Variants in HS6ST3 observed in about 807,000 individuals in gnomAD.
The protein encoded by HS6ST3 is heparan sulfate 6-O-sulfotransferase 3, also known as heparan-sulfate 6-O-sulfotransferase 3.
HS6ST3 carries 12 observed loss-of-function variants against 36.7 expected under a neutral mutation model. That is an observed-to-expected ratio of 0.33 (90% CI 0.21 to 0.53). The LOEUF is 0.53. Among genes scored for constraint, HS6ST3 ranks in the 20% least tolerant of loss-of-function variants. The pLI, the probability that HS6ST3 is intolerant of heterozygous loss-of-function variation, is 0.95. For missense variants in HS6ST3, 584 were observed against 640.9 expected (o/e 0.91, Z 0.96); for synonymous variants, 240 against 257.5 (o/e 0.93, Z 0.65).
At chr13:96,758,008 T>C (rs899194915) in intron 1 of HS6ST3, among the ~76,000 whole-genome samples, 2 of 152,086 alleles carry the variant, frequency 1.3e-5, no homozygotes, top group Non-Finnish European at 2.9e-5. Flanking sequence ...TTTCTAAACA[T>C]ATAAATTGGC....
At chr13:96,317,005 A>G (rs867116316) in intron 1 of HS6ST3, among the ~76,000 whole-genome samples, 3 of 152,070 alleles carry the variant, frequency 2.0e-5, no homozygotes, top group Non-Finnish European at 2.9e-5. Flanking sequence ...TAAAATGTCA[A>G]CTTTTATTTT....
chr13:96,093,336 A>C (rs1032375732), intron 1 of HS6ST3, among the ~76,000 whole-genome samples: 2 of 152,198 alleles, frequency 1.3e-5, no homozygotes, highest in African/African-American at 4.8e-5. Context: ...TTAGTGATGA[A>C]TAATGTTACT....
chr13:96,559,071 AATCT>A (rs3051060), intron 1 of HS6ST3, among the ~76,000 whole-genome samples: 23,050 of 147,320 alleles, frequency 0.16, 1,803 homozygotes, highest in Admixed American at 0.18. Flanking sequence ...GAATCTATAT[AATCT>A]ATCTATCTAT....
intron 1 of HS6ST3, among the ~76,000 whole-genome samples, chr13:96,668,159 C>G (rs2056670358): frequency 6.6e-6 from 1 of 152,026 alleles, no homozygotes; most frequent in African/African-American, 2.4e-5. Flanking sequence ...CTCTCTCTCT[C>G]TCACACACGC....
At chr13:96,207,858 CAAG>C (rs1219839488) in intron 1 of HS6ST3, among the ~76,000 whole-genome samples, 1 of 152,046 alleles carries the variant, frequency 6.6e-6, no homozygotes, top group African/African-American at 2.4e-5. Flanking sequence ...GGGATAGCAT[CAAG>C]AAGAATAGCT....
intron 1 of HS6ST3, among the ~76,000 whole-genome samples, chr13:96,179,949 C>A (rs1301936390): frequency 6.6e-6 from 1 of 152,142 alleles, no homozygotes; most frequent in Non-Finnish European, 1.5e-5. Context: ...CCTGCCTCAG[C>A]CTACCGAGTA....
chr13:96,649,486 C>T (rs917389495), intron 1 of HS6ST3, among the ~76,000 whole-genome samples: 1 of 152,012 alleles, frequency 6.6e-6, no homozygotes, highest in Non-Finnish European at 1.5e-5. Flanking sequence ...ACCATATCAC[C>T]ATCTCTCTAG....
intron 1 of HS6ST3, among the ~76,000 whole-genome samples, chr13:96,325,128 T>A (rs947897001): frequency 1.3e-5 from 2 of 152,194 alleles, no homozygotes; most frequent in African/African-American, 4.8e-5. Flanking sequence ...GAAATATTTT[T>A]TCCACTTTTT....
Position 96,799,964 on chromosome 13 carries a change from GTGTATATATATATATA to G in HS6ST3, c.708-32478_708-32463del, listed in dbSNP as rs1238523444. ...TGTGTGTATATATATATATATATAT[GTGTATATATATATATA>G]TGTATATATATATATATGTATATAT... On this transcript the variant is annotated intron_variant, in intron 1 of 1. Transcript: ENST00000376705. Among the ~76,000 whole-genome samples the G allele has an allele frequency of 1.8e-3, 98 of 55,306 alleles. 2 individuals carry two copies. Among genetic ancestry groups the G allele is most frequent in the African/African-American group, 3.8e-3 (26 of 6,838 alleles). The allele number at this position is 55,306 out of a possible 152,430, so 36.3% of individuals were successfully genotyped here. A position where few individuals can be genotyped will look rare whatever the true frequency, so the allele number is the denominator to read the frequency against.
rs545443927 is a variant in HS6ST3, at chr13:96,592,574, C to T, written c.708-239916C>T. Reference sequence around the variant, plus strand: ...TCCTTTACTTTAAGACTAAAATACTCCCTTTAGCATTTCTTGTAGTACAAG... The same window carrying T: ...TCCTTTACTTTAAGACTAAAATACTTCCTTTAGCATTTCTTGTAGTACAAG... On this transcript the variant is annotated intron_variant, in intron 1 of 1. Coordinates refer to ENST00000376705, the MANE Select transcript of HS6ST3 (RefSeq NM_153456.4). Among the ~76,000 whole-genome samples the T allele has an allele frequency of 2.8e-3, 429 of 152,250 alleles. 1 individual carries two copies. The highest frequency in any genetic ancestry group is 9.1e-3 in the African/African-American group (377 of 41,556).
intron 1 of HS6ST3, among the ~76,000 whole-genome samples, chr13:96,444,082 G>A (rs2055686717): frequency 6.6e-6 from 1 of 152,170 alleles, no homozygotes; most frequent in Non-Finnish European, 1.5e-5. Flanking sequence ...GCTGAGAGAT[G>A]GCAGGGATGA....
chr13:96,706,440 T>TATATATATATATATATATATATAA (rs1491180585), intron 1 of HS6ST3, among the ~76,000 whole-genome samples: 9 of 137,580 alleles, frequency 6.5e-5, no homozygotes, highest in Non-Finnish European at 1.1e-4. Flanking sequence ...TATATATATA[T>TATATATATATATATATATATATAA]AATCAGGGAA....
intron 1 of HS6ST3, among the ~76,000 whole-genome samples, chr13:96,259,378 A>G (rs552745023): frequency 6.6e-6 from 1 of 152,274 alleles, no homozygotes; most frequent in South Asian, 2.1e-4. Flanking sequence ...GTCATAGGAG[A>G]TGACTGTGGT....
At chr13:96,768,776 G>A (rs1403200842) in intron 1 of HS6ST3, among the ~76,000 whole-genome samples, 2 of 151,810 alleles carry the variant, frequency 1.3e-5, no homozygotes, top group South Asian at 2.1e-4. Context: ...TGTTCATGCC[G>A]TTTAGTCTGC....
At chr13:96,641,143 C>A (rs958342026) in intron 1 of HS6ST3, among the ~76,000 whole-genome samples, 1 of 151,836 alleles carries the variant, frequency 6.6e-6, no homozygotes, top group Non-Finnish European at 1.5e-5. Context: ...CTGCTTTGGG[C>A]AGTATGACAA....
At chr13:96,350,985 G>T (rs1045201518) in intron 1 of HS6ST3, among the ~76,000 whole-genome samples, 2 of 152,142 alleles carry the variant, frequency 1.3e-5, no homozygotes, top group African/African-American at 4.8e-5. Context: ...TATTTGGGAA[G>T]ACTTTTTTCC....
At chr13:96,182,779 C>T (rs560304902) in intron 1 of HS6ST3, among the ~76,000 whole-genome samples, 4 of 152,272 alleles carry the variant, frequency 2.6e-5, no homozygotes, top group East Asian at 1.9e-4. Flanking sequence ...CCTGGTCTCA[C>T]CTTCTTATTT....
At chr13:96,155,388 T>C (rs1396727438) in intron 1 of HS6ST3, among the ~76,000 whole-genome samples, 2 of 152,158 alleles carry the variant, frequency 1.3e-5, no homozygotes, top group African/African-American at 4.8e-5. Flanking sequence ...TGGGCAAATA[T>C]ATTCTTGCCT....
intron 1 of HS6ST3, among the ~76,000 whole-genome samples, chr13:96,781,927 G>C (rs527277153): frequency 6.6e-6 from 1 of 152,152 alleles, no homozygotes; most frequent in South Asian, 2.1e-4. Context: ...AAAAATCAGG[G>C]ACTGAAACCC....
Sources: allele counts gnomAD v4.1 joint callset (sites outside exome capture counted in the v4.1 genomes callset), GRCh38; gene constraint gnomAD v4.1.1; transcripts MANE v1.5; gene names NCBI Gene and HGNC (gene_info 2026-07-23, HGNC 2026-07-21).